NKAIN4: variants seen among roughly 807,000 people sequenced by gnomAD.
NKAIN4 encodes sodium/potassium-transporting ATPase subunit beta-1-interacting protein 4.
A neutral mutation model predicts 28.8 loss-of-function variants in NKAIN4; 28 were observed. The ratio of observed to expected loss-of-function variants is 0.97; its 90% CI spans 0.72 to 1.33. The LOEUF (loss-of-function observed/expected upper bound fraction) is 1.33, where lower values mean the gene tolerates loss of function less well. Among genes scored for constraint, NKAIN4 ranks in the 40% most tolerant of loss-of-function variants. The probability of loss-of-function intolerance (pLI) is 0.00; values close to 1 mark genes in which losing one functional copy is unlikely to be tolerated. For synonymous variants in NKAIN4, 122 were observed against 115.6 expected, an observed-to-expected ratio of 1.06 and a Z score of -0.36; for missense variants, 289 against 277.2, an observed-to-expected ratio of 1.04 and a Z score of -0.30.
rs766904545 is a variant in NKAIN4 at position 63,247,560 on chromosome 20, C to A, written c.471+18G>T. 1.5e-5 allele frequency: 23 copies of A among 1,546,502 alleles called. No individual in the cohort carries two copies. The highest frequency in any genetic ancestry group is 1.7e-5 in the Non-Finnish European group (20 of 1,144,606). On this transcript the variant is annotated intron_variant, in intron 4 of 6. Transcript: ENST00000370316. ...CATCAACCCATCCCCACCCGGGGGC[C>A]CCCTTCCCCACGCTCACCGCGATCA...
chr20:63,248,857 G>A lies in NKAIN4; in HGVS notation c.231C>T (p.Val77=). Residue 77 remains valine (V), a synonymous_variant, in exon 3 of 7, where the codon GTC becomes GTT. Coordinates refer to ENST00000370316, the MANE Select transcript of NKAIN4 (RefSeq NM_152864.4). ...CTTCCAGGTAGAAGCAGATGATGAA[G>A]ACGTTCCAGGTGACCCAGACGGCTG... ...LWAAVWVTWN[V]FIICFYLEVG... 1 of 1,612,934 alleles carries A rather than the reference G, an allele frequency of 6.2e-7. No individual in the cohort carries two copies. The highest frequency in any genetic ancestry group is 8.5e-7 in the Non-Finnish European group (1 of 1,179,894).
intron 1 of NKAIN4, 40 bp downstream of exon 1, chr20:63,254,357 C>T: frequency 7.1e-7 from 1 of 1,414,550 alleles, no homozygotes; most frequent in Non-Finnish European, 9.2e-7. Context: ...GGGTCGGGCA[C>T]CGGGGGCTCC....
At position 63,245,259 on chromosome 20, in the gene NKAIN4, G is replaced by C. The variant is rs191461960; in HGVS notation, c.472-1175C>G. 6.6e-6 allele frequency among the ~76,000 whole-genome samples: 1 copy of C among 152,154 alleles called. No homozygotes were observed. Among genetic ancestry groups the C allele is most frequent in the East Asian group, 1.9e-4 (1 of 5,182 alleles). On this transcript the variant is annotated intron_variant, in intron 4 of 6. Coordinates refer to ENST00000370316, the MANE Select transcript of NKAIN4 (RefSeq NM_152864.4). The surrounding 1 kb of genome is among the most constrained non-coding windows in gnomAD (Gnocchi z 4.7). ...CAAGCTCAAGAAGCTGTCCCAAATG[G>C]CCATTTCTGGTTCCATGCCACGGCC...
intron 1 of NKAIN4, 114 bp from the exon 2 acceptor site, chr20:63,250,186 CCCA>C: frequency 8.2e-7 from 1 of 1,218,208 alleles, no homozygotes; most frequent in Non-Finnish European, 1.1e-6. Flanking sequence ...CCCACACCCG[CCCA>C]CCACACCTTT....
At chr20:63,250,910 A>G (rs1444903598) in intron 1 of NKAIN4, among the ~76,000 whole-genome samples, 1 of 56,036 alleles carries the variant, frequency 1.8e-5, no homozygotes, top group Non-Finnish European at 3.4e-5. Context: ...CAGCCGCCCT[A>G]TCCCCCACCC....
At position 63,241,400 on chromosome 20, in the gene NKAIN4, G is replaced by T; in HGVS notation, c.*97C>A. On this transcript the variant is annotated 3_prime_UTR_variant, in exon 7 of 7. Transcript: ENST00000370316. ...GCTGCCGGCCGCCTGGGGGGTGCTG[G>T]GTGGGGGCGCGTCCCAAGGCCTGGG... 7.4e-7 allele frequency: 1 copy of T among 1,352,346 alleles called. No individual in the cohort carries two copies. Among genetic ancestry groups the T allele is most frequent in the Non-Finnish European group, 1.0e-6 (1 of 967,462 alleles). 83.8% of individuals were successfully genotyped at this position (1,352,346 alleles called of 1,614,324 possible).
chr20:63,249,156 G>C, intron 2 of NKAIN4: 1 of 499,060 alleles, frequency 2.0e-6, no homozygotes, highest in Non-Finnish European at 3.7e-6. Flanking sequence ...GCGCAGGTCG[G>C]CGTACGGACA....
intron 4 of NKAIN4, among the ~76,000 whole-genome samples, chr20:63,244,720 C>T (rs894391322): frequency 1.3e-5 from 2 of 152,226 alleles, no homozygotes; most frequent in South Asian, 2.1e-4. Context: ...CCACACACCT[C>T]GCAGACACCT....
At chr20:63,243,712 G>C (rs1040718016) in intron 5 of NKAIN4, 4 of 250,972 alleles carry the variant, frequency 1.6e-5, no homozygotes, top group African/African-American at 8.9e-5. Context: ...CCTGGACCTG[G>C]GCAGTCTGAG....
intron 1 of NKAIN4, among the ~76,000 whole-genome samples, chr20:63,251,265 G>A (rs976569309): frequency 1.3e-4 from 20 of 152,154 alleles, no homozygotes; most frequent in African/African-American, 4.3e-4. Flanking sequence ...GGCAGAGCCA[G>A]GTGCACAGGA....
In NKAIN4 at chr20:63,244,048, C is replaced by T. The variant is rs745364728; in HGVS notation, c.508G>A (p.Val170Met). 22 of 1,613,722 alleles carry T rather than the reference C, an allele frequency of 1.4e-5. No homozygotes were observed. The Admixed American group carries it at 1.8e-4, about 13-fold the overall frequency. Residue 170 changes from valine to methionine, a missense_variant, in exon 5 of 7, where the codon GTG (valine) becomes ATG (methionine). Transcript: ENST00000370316. ...CAGCTGTCCTCTTCCTCCGTAAACA[C>T]GCTGACCACCTGGCAGCCACAGACA... ...GFVCGCQVVS[V>M]FTEEEDSFDF... is the part of the protein sequence containing the mutation.
chr20:63,253,628 C>T (rs1054010678), intron 1 of NKAIN4, among the ~76,000 whole-genome samples: 4 of 152,208 alleles, frequency 2.6e-5, no homozygotes, highest in African/African-American at 9.6e-5. Context: ...CAGGCGAGGC[C>T]TTTGTTTAGC....
chr20:63,250,206 C>T (rs1025166927), intron 1 of NKAIN4, 134 bp from the exon 2 acceptor site: 25 of 1,011,714 alleles, frequency 2.5e-5, no homozygotes, highest in African/African-American at 2.0e-4. Context: ...CTTTGTTTGA[C>T]GAAGGACACC....
intron 3 of NKAIN4, 107 bp downstream of exon 3, chr20:63,248,708 A>T (rs753955657): frequency 2.7e-6 from 2 of 734,854 alleles, no homozygotes; most frequent in Non-Finnish European, 4.9e-6. Context: ...GCACAGACTG[A>T]GCCCCTGCCT....
intron 6 of NKAIN4, among the ~76,000 whole-genome samples, chr20:63,242,220 T>G (rs987674698): frequency 5.9e-5 from 9 of 151,998 alleles, no homozygotes; most frequent in African/African-American, 1.9e-4. Flanking sequence ...TGCCGCCTGC[T>G]GGGAAGTGGC....
chr20:63,251,898 C>T (rs574149555), intron 1 of NKAIN4, among the ~76,000 whole-genome samples: 7 of 152,248 alleles, frequency 4.6e-5, no homozygotes, highest in East Asian at 3.9e-4. Context: ...CCATCGTGCC[C>T]GGAGGACACT....
upstream of NKAIN4, chr20:63,254,482 C>A (rs1279041416): frequency 5.4e-6 from 7 of 1,291,930 alleles, no homozygotes; most frequent in South Asian, 1.6e-4. Flanking sequence ...CCCCCGGGTG[C>A]CCCGCGCTCG....
At chr20:63,246,986 A>T (rs2066870362) in intron 4 of NKAIN4, 1 of 995,674 alleles carries the variant, frequency 1.0e-6, no homozygotes, top group Non-Finnish European at 1.2e-6. Context: ...GCCGGAGAGG[A>T]CGGCAGAGTC....
At chr20:63,246,085 G>C (rs1296006742) in intron 4 of NKAIN4, among the ~76,000 whole-genome samples, 1 of 152,102 alleles carries the variant, frequency 6.6e-6, no homozygotes, top group Non-Finnish European at 1.5e-5. Context: ...CCGCCACCAC[G>C]CCCGGCTAAT....
Sources: gnomAD v4.1 joint callset for allele counts (sites outside exome capture counted in the v4.1 genomes callset) on GRCh38, gnomAD v4.1.1 for gene constraint, Gnocchi (gnomAD v3.1) non-coding constraint, MANE v1.5 for transcripts, NCBI Gene and HGNC (gene_info 2026-07-23, HGNC 2026-07-21) for gene names.